The following GPD2 variants were observed in gnomAD, a reference collection of about 807,000 sequenced individuals.
The protein encoded by GPD2 is glycerol-3-phosphate dehydrogenase, mitochondrial.
Under a neutral mutation model 82.4 loss-of-function variants are expected in GPD2, and 54 were observed. That is an observed-to-expected ratio of 0.66 (90% CI 0.53 to 0.82). GPD2 has a LOEUF of 0.82. Among genes scored for constraint, GPD2 ranks in the 40% least tolerant of loss-of-function variants. The pLI is 0.00. For missense variants in GPD2, 748 were observed against 896.2 expected, an observed-to-expected ratio of 0.83 and a Z score of 2.11; for synonymous variants, 288 against 306.1, an observed-to-expected ratio of 0.94 and a Z score of 0.62.
intron 6 of GPD2, among the ~76,000 whole-genome samples, chr2:156,533,145 A>G (rs1037093985): frequency 1.3e-5 from 2 of 152,142 alleles, no homozygotes; most frequent in African/African-American, 4.8e-5. Flanking sequence ...GGTTGTGACC[A>G]CTCTCATTGT....
intron 13 of GPD2, among the ~76,000 whole-genome samples, chr2:156,572,366 CTTGTG>C (rs1687671894): frequency 6.6e-6 from 1 of 151,954 alleles, no homozygotes; most frequent in African/African-American, 2.4e-5. Flanking sequence ...TTAACAAACA[CTTGTG>C]TTGAAGTGAA....
intron 13 of GPD2, among the ~76,000 whole-genome samples, chr2:156,575,206 A>G (rs552126950): frequency 6.6e-6 from 1 of 152,306 alleles, no homozygotes; most frequent in Admixed American, 6.5e-5. Flanking sequence ...CCAAATTTCA[A>G]AAACGAGAGG....
At chr2:156,478,154 A>AC (rs1323845373) in intron 2 of GPD2, among the ~76,000 whole-genome samples, 1 of 151,998 alleles carries the variant, frequency 6.6e-6, no homozygotes, top group Non-Finnish European at 1.5e-5. Flanking sequence ...AACAGAAGAG[A>AC]CTCTGGCCCC....
At chr2:156,466,291 G>A (rs576573723) in intron 1 of GPD2, among the ~76,000 whole-genome samples, 1 of 152,108 alleles carries the variant, frequency 6.6e-6, no homozygotes, top group Non-Finnish European at 1.5e-5. Flanking sequence ...ATTCACTTGC[G>A]TGCACTAACT....
At chr2:156,459,960 G>A (rs1427794879) in intron 1 of GPD2, among the ~76,000 whole-genome samples, 1 of 152,102 alleles carries the variant, frequency 6.6e-6, no homozygotes, top group Admixed American at 6.5e-5. Flanking sequence ...AGGCCTGAAG[G>A]TCATTGGACT....
At chr2:156,451,215 G>C (rs1309432763) in intron 1 of GPD2, among the ~76,000 whole-genome samples, 1 of 152,090 alleles carries the variant, frequency 6.6e-6, no homozygotes, top group Non-Finnish European at 1.5e-5. Context: ...GGGCAGAGGG[G>C]CTCCTCACCT....
intron 3 of GPD2, among the ~76,000 whole-genome samples, chr2:156,509,765 C>CTTTTTTTTTTTTTT (rs60361072): frequency 2.7e-4 from 32 of 117,374 alleles, no homozygotes; most frequent in Non-Finnish European, 2.7e-4. Flanking sequence ...ATATGTTCTT[C>CTTTTTTTTTTTTTT]TTTTTTTTTT....
At chr2:156,422,502 G>A in the GPD2 span, among the ~76,000 whole-genome samples, 32 of 152,116 alleles carry the variant, frequency 2.1e-4, no homozygotes, top group Non-Finnish European at 1.5e-4. Context: ...AGGCTGAGGT[G>A]GGTGGATCAT....
the GPD2 span, among the ~76,000 whole-genome samples, chr2:156,429,730 CTCTT>C: frequency 1.3e-5 from 2 of 152,180 alleles, no homozygotes; most frequent in Non-Finnish European, 2.9e-5. Flanking sequence ...TTGATTCTAA[CTCTT>C]TCAGAATCAC....
intron 6 of GPD2, among the ~76,000 whole-genome samples, chr2:156,513,907 G>C (rs1056649885): frequency 6.6e-6 from 1 of 152,190 alleles, no homozygotes; most frequent in African/African-American, 2.4e-5. Flanking sequence ...CCATTTTCAA[G>C]GGGTTATAAA....
chr2:156,418,369 G>A, the GPD2 span, among the ~76,000 whole-genome samples: 2 of 151,226 alleles, frequency 1.3e-5, no homozygotes, highest in Non-Finnish European at 2.9e-5. Flanking sequence ...CGGCCTGGGC[G>A]ACAGAAATAG....
At chr2:156,421,333 G>T in the GPD2 span, among the ~76,000 whole-genome samples, 1 of 152,112 alleles carries the variant, frequency 6.6e-6, no homozygotes, top group Non-Finnish European at 1.5e-5. Flanking sequence ...TATAATCATT[G>T]CATGTTATTT....
chr2:156,458,733 G>A (rs1682873137), intron 1 of GPD2, among the ~76,000 whole-genome samples: 1 of 152,154 alleles, frequency 6.6e-6, no homozygotes, highest in Admixed American at 6.5e-5. Flanking sequence ...TCAAATGTCA[G>A]CTATCCATCT....
At position 156,584,955 on chromosome 2, in the gene GPD2, A is replaced by T. The variant is rs1688162407; in HGVS notation, c.*2037A>T. On this transcript the variant is annotated 3_prime_UTR_variant, in exon 17 of 17. Coordinates refer to ENST00000438166, the MANE Select transcript of GPD2 (RefSeq NM_000408.5). ...TTCTGTTACAGTAGGGCCCGGGCAG[A>T]TCTGTGTTTGTTAAACAGGCCTTGT... is the stretch of plus-strand genomic sequence containing the variant. The T allele has an allele frequency of 6.6e-6, 1 of 151,950 alleles. No homozygotes were observed. Among genetic ancestry groups the T allele is most frequent in the African/African-American group, 2.4e-5 (1 of 41,420 alleles). 9.4% of individuals were successfully genotyped at this position (151,950 alleles called of 1,614,324 possible). A position where few individuals can be genotyped will look rare whatever the true frequency, so the allele number is the denominator to read the frequency against.
chr2:156,407,166 C>T, the GPD2 span, among the ~76,000 whole-genome samples: 1 of 152,162 alleles, frequency 6.6e-6, no homozygotes, highest in African/African-American at 2.4e-5. Flanking sequence ...GAGCTGAGAT[C>T]GCACCACTGC....
chr2:156,419,203 G>A, the GPD2 span, among the ~76,000 whole-genome samples: 1 of 151,920 alleles, frequency 6.6e-6, no homozygotes, highest in Non-Finnish European at 1.5e-5. Context: ...GAGATTACAG[G>A]CATGTGCCAC....
the GPD2 span, among the ~76,000 whole-genome samples, chr2:156,412,416 C>G: frequency 4.9e-5 from 7 of 143,392 alleles, no homozygotes; most frequent in African/African-American, 1.8e-4. Flanking sequence ...TACAGCCTGG[C>G]ACAGAGTGAG....
At chr2:156,413,062 A>T in the GPD2 span, among the ~76,000 whole-genome samples, 1 of 151,816 alleles carries the variant, frequency 6.6e-6, no homozygotes, top group African/African-American at 2.4e-5. Flanking sequence ...ATGCCACTAC[A>T]CTCCAGCCTG....
chr2:156,548,227 T>G (rs1166382694), intron 6 of GPD2, among the ~76,000 whole-genome samples: 3 of 152,230 alleles, frequency 2.0e-5, no homozygotes, highest in African/African-American at 7.2e-5. Context: ...TAATAAAAAT[T>G]GATTTCTTCA....
Sources: gnomAD v4.1 joint callset for allele counts (sites outside exome capture counted in the v4.1 genomes callset) on GRCh38, gnomAD v4.1.1 for gene constraint, MANE v1.5 for transcripts, NCBI Gene and HGNC (gene_info 2026-07-23, HGNC 2026-07-21) for gene names.